PLPP2: variants seen among roughly 807,000 people sequenced by gnomAD.
The protein encoded by PLPP2 is PAP2-gamma.
In PLPP2, 29 loss-of-function variants were observed where a neutral mutation model predicts 35.2. The observed-to-expected ratio is 0.82, with a 90% confidence interval of 0.61 to 1.12. PLPP2 has a LOEUF of 1.12. Among genes scored for constraint, PLPP2 ranks in the 50% most tolerant of loss-of-function variants. The pLI is 0.00. For missense variants in PLPP2, 353 were observed against 375.2 expected (o/e 0.94, Z 0.49); for synonymous variants, 162 against 167.0 (o/e 0.97, Z 0.23).
chr19:283,166 TA>T (rs1467346870), intron 3 of PLPP2: 1 of 208,196 alleles, frequency 4.8e-6, no homozygotes, highest in African/African-American at 2.3e-5. Flanking sequence ...TATTTTTATA[TA>T]AATTCAAGAT....
chr19:281,192 C>T lies in PLPP2; in HGVS notation c.*196G>A. On this transcript the variant is annotated 3_prime_UTR_variant, in exon 6 of 6. Transcript: ENST00000434325. ...ACGGGAACAGGTTCCCCTCCAAATGCTGAGGGCTACCCAGGCATCTCCAGA... is the reference window on the plus strand; with the variant it reads ...ACGGGAACAGGTTCCCCTCCAAATGTTGAGGGCTACCCAGGCATCTCCAGA... 1 of 452,316 alleles carries T rather than the reference C, an allele frequency of 2.2e-6. No homozygotes were observed. Among genetic ancestry groups the T allele is most frequent in the Non-Finnish European group, 3.6e-6 (1 of 276,274 alleles). The allele number at this position is 452,316 out of a possible 1,614,324, so 28.0% of individuals were successfully genotyped here.
intron 4 of PLPP2, 39 bp downstream of exon 4, chr19:282,713 G>A: frequency 1.3e-6 from 2 of 1,582,512 alleles, no homozygotes; most frequent in Non-Finnish European, 1.7e-6. Context: ...ATTTAGCCAT[G>A]GTTCCCCCGA....
At chr19:288,244 C>T in intron 1 of PLPP2, 73 bp from the exon 2 acceptor site, 3 of 1,495,314 alleles carry the variant, frequency 2.0e-6, no homozygotes, top group East Asian at 4.6e-5. Flanking sequence ...ACACACCTGC[C>T]TTGGCCTGGA....
rs1363268445 is a variant in PLPP2, at chr19:287,411, G to T, written c.482+63C>A. Reference sequence around the variant, plus strand: ...GCTGCCTGCTGGCTCTTCATGATTTGGCTCCAGGGCCTTCTTCAGCTCCCA... The same window carrying T: ...GCTGCCTGCTGGCTCTTCATGATTTTGCTCCAGGGCCTTCTTCAGCTCCCA... On this transcript the variant is annotated intron_variant, in intron 3 of 5. Transcript: ENST00000434325. This position sits in a 1 kb window ranked among gnomAD's most constrained non-coding sequence, Gnocchi z 4.3. 5 of 1,544,162 alleles carry T rather than the reference G, an allele frequency of 3.2e-6. No homozygotes were observed. In the East Asian group the frequency reaches 1.1e-4, roughly 35 times the overall value.
In PLPP2 at chr19:287,715, G is replaced by T. The variant is rs775243523; in HGVS notation, c.241C>A (p.Arg81=). Residue 81 remains arginine (R), a synonymous_variant, in exon 3 of 6, where the codon CGG becomes AGG. Transcript: ENST00000434325. The surrounding 1 kb of genome is among the most constrained non-coding windows in gnomAD (Gnocchi z 4.3). ...AGEAYLVYTD[R]LYSRSDFNNY... ...TTGAAGTCCGAGCGAGAATAGAGCCGGTCTGTGTACACCAGGTAGGCTTCC... is the reference window on the plus strand; with the variant it reads ...TTGAAGTCCGAGCGAGAATAGAGCCTGTCTGTGTACACCAGGTAGGCTTCC... The T allele has an allele frequency of 6.2e-7, 1 of 1,613,696 alleles. No individual in the cohort carries two copies. Among genetic ancestry groups the T allele is most frequent in the African/African-American group, 1.3e-5 (1 of 74,912 alleles).
intron 5 of PLPP2, 99 bp downstream of exon 5, chr19:282,008 GAGGACTGACAGGGAGGAGGCCCAAGGA>G: frequency 9.2e-7 from 1 of 1,081,482 alleles, no homozygotes; most frequent in Non-Finnish European, 1.3e-6. Flanking sequence ...GGGTCCCAGG[GAGGACTGACAGGGAGGAGGCCCAAGGA>G]AGGACTCAGT....
chr19:290,865 G>C (rs991111646), intron 1 of PLPP2: 1 of 1,078,742 alleles, frequency 9.3e-7, no homozygotes, highest in African/African-American at 1.6e-5. Flanking sequence ...CGCGCGCAGC[G>C]GGAGCGCCCA....
chr19:287,802 C>T lies in PLPP2; in HGVS notation c.205-51G>A. On this transcript the variant is annotated intron_variant, in intron 2 of 5. Transcript: ENST00000434325. The surrounding 1 kb of genome is among the most constrained non-coding windows in gnomAD (Gnocchi z 4.3). ...TGGGGGTCTCGGTCGGCCCAGGGGCCCTCACTCCTCCGCACGGGCCTCCCC... is the reference window on the plus strand; with the variant it reads ...TGGGGGTCTCGGTCGGCCCAGGGGCTCTCACTCCTCCGCACGGGCCTCCCC... 1 of 1,601,430 alleles carries T rather than the reference C, an allele frequency of 6.2e-7. No individual in the cohort carries two copies. The highest frequency in any genetic ancestry group is 8.5e-7 in the Non-Finnish European group (1 of 1,172,910).
At chr19:283,815 C>G (rs1970224280) in intron 3 of PLPP2, 1 of 152,172 alleles carries the variant, frequency 6.6e-6, no homozygotes, top group South Asian at 2.1e-4. Flanking sequence ...TCTACAAACT[C>G]TGGGAGGGTT....
At chr19:290,122 C>G (rs1296415980) in intron 1 of PLPP2, among the ~76,000 whole-genome samples, 3 of 152,154 alleles carry the variant, frequency 2.0e-5, no homozygotes, top group Non-Finnish European at 4.4e-5. Context: ...ATGCCAGCAT[C>G]TGGAACCTCA....
chr19:284,473 T>A (rs1442607755), intron 3 of PLPP2: 7 of 152,202 alleles, frequency 4.6e-5, no homozygotes. Context: ...ACTAGACACT[T>A]TCTAAGAGAG....
In PLPP2 at chr19:287,251, A is replaced by C. The variant is rs1970284602; in HGVS notation, c.482+223T>G. Reference sequence around the variant, plus strand: ...TAACAATTACAAAGGTAAATGTACTAAACAACAGAACCCCAAAATACTTAA... The same window carrying C: ...TAACAATTACAAAGGTAAATGTACTCAACAACAGAACCCCAAAATACTTAA... On this transcript the variant is annotated intron_variant, in intron 3 of 5. Transcript: ENST00000434325. The surrounding 1 kb of genome is among the most constrained non-coding windows in gnomAD (Gnocchi z 4.3). 1 of 565,864 alleles carries C rather than the reference A, an allele frequency of 1.8e-6. No homozygotes were observed. Among genetic ancestry groups the C allele is most frequent in the South Asian group, 2.4e-5 (1 of 41,932 alleles). The allele number at this position is 565,864 out of a possible 1,614,324, so 35.1% of individuals were successfully genotyped here. A position where few individuals can be genotyped will look rare whatever the true frequency, so the allele number is the denominator to read the frequency against.
rs774228761 is a variant in PLPP2, at chr19:287,448, A to G, written c.482+26T>C. The G allele has an allele frequency of 1.6e-5, 26 of 1,591,318 alleles. No homozygotes were observed. Among genetic ancestry groups the G allele is most frequent in the Non-Finnish European group, 2.2e-5 (26 of 1,165,086 alleles). ...TTCTTCAGCTCCCATTCCCCACAAGAGTGAAGGCTGCTGGTCCACACCCAC... is the reference window on the plus strand; with the variant it reads ...TTCTTCAGCTCCCATTCCCCACAAGGGTGAAGGCTGCTGGTCCACACCCAC... On this transcript the variant is annotated intron_variant, in intron 3 of 5. Transcript: ENST00000434325. The surrounding 1 kb of genome is among the most constrained non-coding windows in gnomAD (Gnocchi z 4.3).
chr19:290,967 G>A, intron 1 of PLPP2: 9 of 1,246,170 alleles, frequency 7.2e-6, no homozygotes, highest in Non-Finnish European at 9.0e-6. Context: ...AGGCCAGGCG[G>A]GGCGGGATGG....
rs765351968 is a variant in PLPP2 at position 282,758 on chromosome 19, G to A, written c.534C>T (p.Phe178=). 6 of 1,613,406 alleles carry A rather than the reference G, an allele frequency of 3.7e-6. No homozygotes were observed. In the East Asian group the frequency reaches 1.3e-4, roughly 36 times the overall value. Residue 178 remains phenylalanine, a synonymous_variant, in exon 4 of 6, where the codon TTC becomes TTT. Transcript: ENST00000434325. ...CCGGGAGAAACAGACTCACCGCCAA[G>A]AACACCATGCAGTACATCCCAAAGG... is the stretch of plus-strand genomic sequence containing the variant. The part of the protein sequence containing the change: ...HSSFGMYCMV[F]LALYVQARLC...
chr19:284,565 A>G (rs951933906), intron 3 of PLPP2: 1 of 152,182 alleles, frequency 6.6e-6, no homozygotes, highest in Non-Finnish European at 1.5e-5. Flanking sequence ...TGTGCCACCA[A>G]GCCTGGGTTC....
chr19:291,347 A>C lies in PLPP2; in HGVS notation c.-11T>G, dbSNP rs1600088559. On this transcript the variant is annotated 5_prime_UTR_variant, in exon 1 of 6. Coordinates refer to ENST00000434325, the MANE Select transcript of PLPP2 (RefSeq NM_003712.4). ...CCACCTCCGCTGCATGGTCCCCGCGACCCCCGACGCCGGTCCCAGCGCGTC... is the reference window on the plus strand; with the variant it reads ...CCACCTCCGCTGCATGGTCCCCGCGCCCCCCGACGCCGGTCCCAGCGCGTC... 6.4e-7 allele frequency: 1 copy of C among 1,562,004 alleles called. No homozygotes were observed. The highest frequency in any genetic ancestry group is 8.6e-7 in the Non-Finnish European group (1 of 1,157,404).
chr19:286,151 CAAAAAAAAAAAA>C (rs1200675540), intron 3 of PLPP2: 3 of 94,728 alleles, frequency 3.2e-5, no homozygotes, highest in Admixed American at 1.2e-4. Context: ...GACTCTGTCT[CAAAAAAAAAAAA>C]GAAAAAAAAA....
Position 287,644 on chromosome 19 carries a change from A to C in PLPP2, c.312T>G (p.Phe104Leu), listed in dbSNP as rs755421789. 1.2e-6 allele frequency: 2 copies of C among 1,613,858 alleles called. No homozygotes were observed. The highest frequency in any genetic ancestry group is 1.7e-6 in the Non-Finnish European group (2 of 1,180,016). The change falls in exon 3 of 6, where the codon TTT (phenylalanine) becomes TTG (leucine). Residue 104 changes from phenylalanine to leucine, a missense_variant. Transcript: ENST00000434325. The surrounding 1 kb of genome is among the most constrained non-coding windows in gnomAD (Gnocchi z 4.3). ...AVYKVLGTFL[F>L]GAAVSQSLTD... Reference sequence around the variant, plus strand: ...TCAGAGACTGGCTCACGGCAGCCCCAAACAGGAAGGTCCCCAGCACCTTGT... The same window carrying C: ...TCAGAGACTGGCTCACGGCAGCCCCCAACAGGAAGGTCCCCAGCACCTTGT...
Sources: allele counts gnomAD v4.1 joint callset (sites outside exome capture counted in the v4.1 genomes callset), GRCh38; gene constraint gnomAD v4.1.1; non-coding constraint Gnocchi (gnomAD v3.1); transcripts MANE v1.5; gene names NCBI Gene and HGNC (gene_info 2026-07-23, HGNC 2026-07-21).